Variants in GIGYF1 observed in about 807,000 individuals in gnomAD.
GIGYF1 encodes GRB10 interacting GYF protein 1, also known as GRB10-interacting GYF protein 1.
In GIGYF1, 84 loss-of-function variants were observed where a neutral mutation model predicts 147.1. That is an observed-to-expected ratio of 0.57 (90% CI 0.48 to 0.68). The LOEUF (loss-of-function observed/expected upper bound fraction) is 0.68. GIGYF1 is among the 30% of genes least tolerant of loss of function. The pLI is 0.00. For synonymous variants in GIGYF1, 752 were observed against 589.5 expected, an observed-to-expected ratio of 1.28 and a Z score of -3.99; for missense variants, 1,485 against 1,393.7, an observed-to-expected ratio of 1.07 and a Z score of -1.04.
In GIGYF1 at chr7:100,686,970, C is replaced by T. The variant is rs202092581; in HGVS notation, c.523+36G>A. 4.3e-4 allele frequency: 695 copies of T among 1,613,372 alleles called. 32 individuals carry two copies. The East Asian group carries it at 5.6e-3, about 13-fold the overall frequency. On this transcript the variant is annotated intron_variant, in intron 9 of 26. Transcript: ENST00000678049. ...ACTGGGCCACCCATCTTGGTCCTCC[C>T]TGCCGCCCCGGCCGCCGCCCTCAGC...
intron 12 of GIGYF1, 129 bp from the exon 13 acceptor site, chr7:100,685,610 GTCAAC>G: frequency 9.7e-7 from 1 of 1,029,992 alleles, no homozygotes; most frequent in Non-Finnish European, 1.4e-6. Context: ...CTTCACTTGG[GTCAAC>G]TCAACTAATG....
chr7:100,685,654 G>A (rs1028890067), intron 12 of GIGYF1, among the ~76,000 whole-genome samples, 173 bp from the exon 13 acceptor site: 8 of 152,172 alleles, frequency 5.3e-5, no homozygotes, highest in Admixed American at 3.9e-4. Context: ...CCTGACCCTC[G>A]CCTCCACGCT....
intron 1 of GIGYF1, among the ~76,000 whole-genome samples, chr7:100,690,508 G>T (rs1047139294): frequency 6.6e-6 from 1 of 152,154 alleles, no homozygotes; most frequent in Non-Finnish European, 1.5e-5. Context: ...GTGGCCAGGC[G>T]TGGTGGTTCA....
Position 100,679,864 on chromosome 7 carries a change from C to T in GIGYF1, c.*1855G>A, listed in dbSNP as rs557222639. The stretch of plus-strand genomic sequence containing the variant: ...CTCATGGGCCCCCTAAGTCCAAAGT[C>T]TCTTTAGCTGGGGAGAAGAGACAGG... On this transcript the variant is annotated 3_prime_UTR_variant, in exon 27 of 27. Transcript: ENST00000678049. 4.6e-5 allele frequency: 7 copies of T among 152,698 alleles called. No homozygotes were observed. The East Asian group carries it at 9.7e-4, about 21-fold the overall frequency. 9.5% of individuals were successfully genotyped at this position (152,698 alleles called of 1,614,324 possible). A position where few individuals can be genotyped will look rare whatever the true frequency, so the allele number is the denominator to read the frequency against.
At chr7:100,682,960 G>A (rs1804930097) in intron 22 of GIGYF1, 52 bp downstream of exon 22, 13 of 1,401,768 alleles carry the variant, frequency 9.3e-6, no homozygotes, top group African/African-American at 1.4e-5. Flanking sequence ...CCCCCTCCCT[G>A]TGCCACCCTG....
chr7:100,684,876 C>A lies in GIGYF1; in HGVS notation c.1309G>T (p.Ala437Ser). 6.2e-7 allele frequency: 1 copy of A among 1,604,042 alleles called. No individual in the cohort carries two copies. Among genetic ancestry groups the A allele is most frequent in the Non-Finnish European group, 8.5e-7 (1 of 1,174,572 alleles). The part of the protein sequence containing the change: ...HLQQEAEKLV[A>S]SLQDSSLEEE... ...TCCAAGGAGCTGTCCTGCAGGGAGG[C>A]CACCAGCTTCTCCGCCTCCTGGATG... Residue 437 changes from alanine to serine, a missense_variant, in exon 15 of 27, where the codon GCC (alanine) becomes TCC (serine). Transcript: ENST00000678049.
In GIGYF1 at chr7:100,685,462, T is replaced by G. The variant is rs1805230535; in HGVS notation, c.1074A>C (p.Pro358=). The change falls in exon 13 of 27, where the codon CCA becomes CCC. Residue 358 remains proline (P), a synonymous_variant. Coordinates refer to ENST00000678049, the MANE Select transcript of GIGYF1 (RefSeq NM_001375765.1). ...GPEAGGKELT[P]LPPQEEKSSS... is the part of the protein sequence containing the mutation. ...TGGACTTCTCCTCCTGAGGAGGCAG[T>G]GGGGTCAGCTCTTTCCCACCTAGAA... The G allele has an allele frequency of 1.9e-6, 3 of 1,599,196 alleles. No individual in the cohort carries two copies. The highest frequency in any genetic ancestry group is 1.4e-5 in the African/African-American group (1 of 73,772).
chr7:100,692,537 A>AT (rs1554387211), intron 1 of GIGYF1, among the ~76,000 whole-genome samples: 7 of 152,222 alleles, frequency 4.6e-5, no homozygotes, highest in Non-Finnish European at 1.5e-5. Context: ...AACATCCTTC[A>AT]TCTAGCCTCC....
chr7:100,683,128 T>TGGCCA lies in GIGYF1; in HGVS notation c.2291_2295dup (p.Lys766TrpfsTer8). ...AGCGTCTTCATGGACAGCCCCTGCT[T>TGGCCA]GGCCAGGCCAGCCCAGAGTGGGGGC... On this transcript the variant is annotated frameshift_variant, in exon 22 of 27. Coordinates refer to ENST00000678049, the MANE Select transcript of GIGYF1 (RefSeq NM_001375765.1). LOFTEE classifies it high-confidence loss of function. 1 of 1,594,970 alleles carries TGGCCA rather than the reference T, an allele frequency of 6.3e-7. No individual in the cohort carries two copies.
chr7:100,692,596 A>T (rs1207640727), intron 1 of GIGYF1, among the ~76,000 whole-genome samples: 7 of 152,248 alleles, frequency 4.6e-5, no homozygotes, highest in Non-Finnish European at 8.8e-5. Flanking sequence ...TTTAATTCCC[A>T]AATTCCAATA....
chr7:100,680,548 G>C lies in GIGYF1; in HGVS notation c.*1171C>G, dbSNP rs1181876613. On this transcript the variant is annotated 3_prime_UTR_variant, in exon 27 of 27. Coordinates refer to ENST00000678049, the MANE Select transcript of GIGYF1 (RefSeq NM_001375765.1). Reference sequence around the variant, plus strand: ...AAGCGCATCATATCAGACCCGGAAGGCCACCTGCTCCTCTCCCATTTGGTC... The same window carrying C: ...AAGCGCATCATATCAGACCCGGAAGCCCACCTGCTCCTCTCCCATTTGGTC... 6.6e-6 allele frequency: 1 copy of C among 152,602 alleles called. No homozygotes were observed. Among genetic ancestry groups the C allele is most frequent in the Non-Finnish European group, 1.5e-5 (1 of 68,058 alleles). The allele number at this position is 152,602 out of a possible 1,614,324, so 9.5% of individuals were successfully genotyped here. A position where few individuals can be genotyped will look rare whatever the true frequency, so the allele number is the denominator to read the frequency against.
intron 15 of GIGYF1, 21 bp from the exon 16 acceptor site, chr7:100,684,637 C>T (rs770233962): frequency 9.3e-6 from 15 of 1,613,564 alleles, no homozygotes; most frequent in East Asian, 2.2e-5. Context: ...AGCGAGGGAG[C>T]GGGAGAACCA....
rs1805642583 is a variant in GIGYF1 at position 100,689,251 on chromosome 7, A to C, written c.-794T>G. On this transcript the variant is annotated 5_prime_UTR_variant, in exon 2 of 27. In the 5' UTR this introduces an upstream ATG that the reference lacks. Transcript: ENST00000678049. Reference sequence around the variant, plus strand: ...ACCCAGACCACCGCCCCCAATCAATAATGGAGGCTTAAACAACCAAGCCAC... The same window carrying C: ...ACCCAGACCACCGCCCCCAATCAATCATGGAGGCTTAAACAACCAAGCCAC... The C allele has an allele frequency of 2.6e-5, 4 of 152,238 alleles. No homozygotes were observed. Among genetic ancestry groups the C allele is most frequent in the Admixed American group, 2.6e-4 (4 of 15,274 alleles). The allele number at this position is 152,238 out of a possible 1,614,324, so 9.4% of individuals were successfully genotyped here.
chr7:100,687,142 T>A, intron 8 of GIGYF1, 96 bp from the exon 9 acceptor site: 2 of 1,549,724 alleles, frequency 1.3e-6, no homozygotes, highest in East Asian at 2.2e-5. Flanking sequence ...CCTGAGGCAG[T>A]GGAGGGAGGA....
Position 100,687,806 on chromosome 7 carries a change from C to G in GIGYF1, c.243G>C (p.Pro81=). The G allele has an allele frequency of 6.2e-7, 1 of 1,612,632 alleles. No individual in the cohort carries two copies. The highest frequency in any genetic ancestry group is 8.5e-7 in the Non-Finnish European group (1 of 1,179,870). ...GTCCCACCTGTTCCTCCTCAGTCAG[C>G]GGCTCCAGAGCCAGGGGCTGCAGTG... The part of the protein sequence containing the change: ...DEPLQPLALE[P]LTEEEQRNFS... Residue 81 remains proline (P), a synonymous_variant, in exon 6 of 27, where the codon CCG becomes CCC. Transcript: ENST00000678049.
chr7:100,693,255 G>A (rs1429483259), intron 1 of GIGYF1, among the ~76,000 whole-genome samples: 2 of 151,780 alleles, frequency 1.3e-5, no homozygotes, highest in African/African-American at 2.4e-5. Context: ...TAACAGAGAA[G>A]AGAGACGAGG....
chr7:100,683,975 T>TCC, intron 18 of GIGYF1, 45 bp downstream of exon 18: 9 of 825,774 alleles, frequency 1.1e-5, no homozygotes, highest in Non-Finnish European at 1.5e-5. Context: ...TCTGCCCCCA[T>TCC]CCCCCCCCCA....
rs60489348 is a variant in GIGYF1 at position 100,680,165 on chromosome 7, CAAAAAAAAAAAAAA to C, written c.*1540_*1553del. The C allele has an allele frequency of 1.4e-5, 1 of 69,640 alleles. No homozygotes were observed. Among genetic ancestry groups the C allele is most frequent in the Non-Finnish European group, 2.6e-5 (1 of 38,720 alleles). 4.3% of individuals were successfully genotyped at this position (69,640 alleles called of 1,614,324 possible). A position where few individuals can be genotyped will look rare whatever the true frequency, so the allele number is the denominator to read the frequency against. On this transcript the variant is annotated 3_prime_UTR_variant, in exon 27 of 27. Coordinates refer to ENST00000678049, the MANE Select transcript of GIGYF1 (RefSeq NM_001375765.1). ...CACTGACCTAGTTGCCACTTTGGTG[CAAAAAAAAAAAAAA>C]AAAAAAAAAAATCCAACAACAGAAA... is the stretch of plus-strand genomic sequence containing the variant.
intron 14 of GIGYF1, 38 bp from the exon 15 acceptor site, chr7:100,684,932 A>ATC (rs1238988325): frequency 1.9e-6 from 3 of 1,601,524 alleles, no homozygotes; most frequent in Admixed American, 3.5e-5. Flanking sequence ...TCAGCTGCCA[A>ATC]TCTCAGCAAC....
Sources: gnomAD v4.1 joint callset for allele counts (sites outside exome capture counted in the v4.1 genomes callset) on GRCh38, gnomAD v4.1.1 for gene constraint, MANE v1.5 for transcripts, NCBI Gene and HGNC (gene_info 2026-07-23, HGNC 2026-07-21) for gene names.